FHIT: variants seen among roughly 807,000 people sequenced by gnomAD.
FHIT encodes the protein fragile histidine triad diadenosine triphosphatase, also known as bis(5'-adenosyl)-triphosphatase.
In FHIT, 19 loss-of-function variants were observed where a neutral mutation model predicts 17.9. The ratio of observed to expected loss-of-function variants is 1.06; its 90% CI spans 0.74 to 1.56. The LOEUF (loss-of-function observed/expected upper bound fraction) is 1.56. Among genes scored for constraint, FHIT ranks in the 40% most tolerant of loss-of-function variants. FHIT has a pLI of 0.00. For missense variants in FHIT, 248 were observed against 189.2 expected (o/e 1.31, Z -1.82); for synonymous variants, 81 against 69.7 (o/e 1.16, Z -0.81).
intron 5 of FHIT, among the ~76,000 whole-genome samples, chr3:60,219,939 T>C (rs577831351): frequency 6.6e-6 from 1 of 152,192 alleles, no homozygotes; most frequent in Non-Finnish European, 1.5e-5. Flanking sequence ...AACTTGCAAT[T>C]ACTGCTCATA....
At chr3:60,442,984 T>C (rs1240703217) in intron 5 of FHIT, among the ~76,000 whole-genome samples, 2 of 152,266 alleles carry the variant, frequency 1.3e-5, no homozygotes, top group South Asian at 4.1e-4. Flanking sequence ...GAAGAGGTCC[T>C]TCACATCCCT....
At chr3:60,470,289 C>T (rs566442394) in intron 5 of FHIT, among the ~76,000 whole-genome samples, 28 of 152,182 alleles carry the variant, frequency 1.8e-4, no homozygotes, top group Middle Eastern at 3.4e-3. Context: ...TTGTGTCCTT[C>T]CCTTCAGGGC....
intron 4 of FHIT, among the ~76,000 whole-genome samples, chr3:60,751,440 A>G (rs2042464338): frequency 6.6e-6 from 1 of 152,258 alleles, no homozygotes; most frequent in South Asian, 2.1e-4. Flanking sequence ...AGCCATTGCA[A>G]GCAATAAGGA....
chr3:61,130,527 A>G (rs2036733864), intron 2 of FHIT, among the ~76,000 whole-genome samples: 3 of 152,218 alleles, frequency 2.0e-5, no homozygotes. Context: ...AAATTGGGGA[A>G]ATGGAAAACT....
chr3:60,462,038 A>C (rs940363661), intron 5 of FHIT, among the ~76,000 whole-genome samples: 1 of 152,198 alleles, frequency 6.6e-6, no homozygotes, highest in African/African-American at 2.4e-5. Context: ...GTGCTGGTAC[A>C]CAGTAAAAAC....
chr3:60,708,279 T>C (rs1196060255), intron 4 of FHIT, among the ~76,000 whole-genome samples: 1 of 152,152 alleles, frequency 6.6e-6, no homozygotes, highest in African/African-American at 2.4e-5. Context: ...ATGGGCAATT[T>C]GCCAGAGGAA....
rs112365794 is a variant in FHIT at position 60,445,215 on chromosome 3, G to A, written c.103+91645C>T. On this transcript the variant is annotated intron_variant, in intron 5 of 9. Transcript: ENST00000492590. Reference sequence around the variant, plus strand: ...TTCTGATTCACTAGGTCTGGGTGGGGCTCATGAATTTGCATTTCAAATAAA... The same window carrying A: ...TTCTGATTCACTAGGTCTGGGTGGGACTCATGAATTTGCATTTCAAATAAA... Among the ~76,000 whole-genome samples the A allele has an allele frequency of 4.6e-3, 695 of 152,192 alleles. 4 individuals are homozygous for A. The highest frequency in any genetic ancestry group is 0.016 in the African/African-American group (665 of 41,548).
At chr3:60,080,770 G>C (rs1367192628) in intron 5 of FHIT, 1 of 152,140 alleles carries the variant, frequency 6.6e-6, no homozygotes, top group Non-Finnish European at 1.5e-5. Flanking sequence ...CACAGCTCAG[G>C]AGGGCAATGG....
chr3:60,521,957 G>A (rs2035384566), intron 5 of FHIT, among the ~76,000 whole-genome samples: 1 of 152,128 alleles, frequency 6.6e-6, no homozygotes, highest in African/African-American at 2.4e-5. Flanking sequence ...GTAGGGTCAG[G>A]GAAGGCCTCT....
At chr3:60,327,875 G>A (rs991770673) in intron 5 of FHIT, among the ~76,000 whole-genome samples, 14 of 152,116 alleles carry the variant, frequency 9.2e-5, no homozygotes, top group East Asian at 1.9e-4. Context: ...GGGCTGGCAG[G>A]CGAAGGAAAC....
Position 60,895,573 on chromosome 3 carries a change from AT to A in FHIT, c.-110-73563del, listed in dbSNP as rs1199481898. ...GTAAAAAAGTGATTTTTCTAACTCT[AT>A]TATTTCTTTCACAGCAATTAGTTGG... On this transcript the variant is annotated intron_variant, in intron 3 of 9. Coordinates refer to ENST00000492590, the MANE Select transcript of FHIT (RefSeq NM_002012.4). 7.2e-5 allele frequency among the ~76,000 whole-genome samples: 11 copies of A among 152,162 alleles called. 1 individual carries two copies. The highest frequency in any genetic ancestry group is 3.9e-4 in the Admixed American group (6 of 15,288).
At chr3:60,824,548 G>C (rs1702046259) in intron 3 of FHIT, among the ~76,000 whole-genome samples, 1 of 152,118 alleles carries the variant, frequency 6.6e-6, no homozygotes, top group Non-Finnish European at 1.5e-5. Context: ...ATTCAAAGAA[G>C]GAACAATGGA....
At chr3:60,186,755 TAAAAAGGATGG>T (rs953865397) in intron 5 of FHIT, among the ~76,000 whole-genome samples, 2 of 151,736 alleles carry the variant, frequency 1.3e-5, no homozygotes, top group African/African-American at 4.8e-5. Context: ...AGAAGAGCTG[TAAAAAGGATGG>T]AAAGTGCCAT....
intron 4 of FHIT, among the ~76,000 whole-genome samples, chr3:60,575,546 C>G (rs1353105712): frequency 6.6e-6 from 1 of 151,960 alleles, no homozygotes; most frequent in Non-Finnish European, 1.5e-5. Context: ...TTATTTTAAT[C>G]AAATAAGATT....
intron 2 of FHIT, among the ~76,000 whole-genome samples, chr3:61,074,906 A>T (rs2034923516): frequency 6.6e-6 from 1 of 152,312 alleles, no homozygotes; most frequent in South Asian, 2.1e-4. Flanking sequence ...TGAGTGTGTG[A>T]ACCTTTGTGA....
In FHIT at chr3:60,130,437, G is replaced by A. The variant is rs28699278; in HGVS notation, c.104-116285C>T. 2.5e-3 allele frequency among the ~76,000 whole-genome samples: 387 copies of A among 152,208 alleles called. 1 individual carries two copies. Among genetic ancestry groups the A allele is most frequent in the African/African-American group, 8.6e-3 (357 of 41,530 alleles). The stretch of plus-strand genomic sequence containing the variant: ...CCACGGTTATCCTCATTATGTCACT[G>A]AGAAAACTGAGGTTCTGAGAGGTAA... On this transcript the variant is annotated intron_variant, in intron 5 of 9. Transcript: ENST00000492590.
intron 3 of FHIT, among the ~76,000 whole-genome samples, chr3:60,949,289 T>C (rs1339060533): frequency 6.6e-6 from 1 of 152,168 alleles, no homozygotes; most frequent in Non-Finnish European, 1.5e-5. Context: ...GCCAAACTTC[T>C]TTGCAATCTC....
chr3:60,248,094 C>T (rs1009615081), intron 5 of FHIT, among the ~76,000 whole-genome samples: 11 of 152,112 alleles, frequency 7.2e-5, no homozygotes, highest in Non-Finnish European at 1.5e-4. Context: ...TGTCATTCTT[C>T]AGTGCATTGC....
intron 5 of FHIT, among the ~76,000 whole-genome samples, chr3:60,119,598 C>T (rs1033047314): frequency 2.6e-5 from 4 of 152,170 alleles, no homozygotes; most frequent in African/African-American, 9.6e-5. Context: ...AATTTTGTCC[C>T]TGTATGGGTA....
Sources: gnomAD v4.1 joint callset for allele counts (sites outside exome capture counted in the v4.1 genomes callset) on GRCh38, gnomAD v4.1.1 for gene constraint, MANE v1.5 for transcripts, NCBI Gene and HGNC (gene_info 2026-07-23, HGNC 2026-07-21) for gene names.